FAT3: variants seen among roughly 807,000 people sequenced by gnomAD.
FAT3 encodes FAT atypical cadherin 3.
FAT3 carries 95 observed loss-of-function variants against 310.2 expected under a neutral mutation model. The ratio of observed to expected loss-of-function variants is 0.31; its 90% CI spans 0.26 to 0.36. The LOEUF is 0.36. Among genes scored for constraint, FAT3 ranks in the 10% least tolerant of loss-of-function variants. The probability of loss-of-function intolerance (pLI) is 1.00; values close to 1 mark genes in which losing one functional copy is unlikely to be tolerated. For missense variants in FAT3, 5,408 were observed against 5,715.6 expected (o/e 0.95, Z 1.74); for synonymous variants, 2,314 against 2,192.9 (o/e 1.06, Z -1.54).
chr11:92,321,099 G>A (rs1021622147), intron 1 of FAT3, among the ~76,000 whole-genome samples: 1 of 152,026 alleles, frequency 6.6e-6, no homozygotes, highest in East Asian at 1.9e-4. Context: ...CATGAAATAA[G>A]ATAACTCTTT....
chr11:92,837,593 T>A, intron 16 of FAT3, 70 bp from the exon 17 acceptor site: 1 of 1,565,860 alleles, frequency 6.4e-7, no homozygotes, highest in Non-Finnish European at 8.7e-7. Context: ...GTAGCTCCAG[T>A]TCCTCTGTGT....
intron 2 of FAT3, among the ~76,000 whole-genome samples, chr11:92,419,557 T>G (rs1950495595): frequency 6.6e-6 from 1 of 152,204 alleles, no homozygotes; most frequent in Admixed American, 6.5e-5. Flanking sequence ...GGGGAGTATC[T>G]TTATATTTCT....
At chr11:92,592,850 T>G (rs1416933543) in intron 3 of FAT3, among the ~76,000 whole-genome samples, 1 of 152,196 alleles carries the variant, frequency 6.6e-6, no homozygotes, top group Non-Finnish European at 1.5e-5. Context: ...ATTTACCATT[T>G]TAACCATTTT....
rs1003034331 is a variant in FAT3, at chr11:92,551,929, C to T, written c.3607+26981C>T. On this transcript the variant is annotated intron_variant, in intron 3 of 27. Coordinates refer to ENST00000525166, the MANE Select transcript of FAT3 (RefSeq NM_001367949.2). ...AATGTTTTATACTAGAGCAGGCTTC[C>T]TGCCTTTGGTATGCTCAGATAAATT... 5.3e-5 allele frequency among the ~76,000 whole-genome samples: 8 copies of T among 152,194 alleles called. No individual in the cohort carries two copies. In the East Asian group the frequency reaches 1.5e-3, roughly 29 times the overall value.
At chr11:92,548,524 C>T (rs1029490592) in intron 3 of FAT3, among the ~76,000 whole-genome samples, 1 of 152,214 alleles carries the variant, frequency 6.6e-6, no homozygotes, top group Non-Finnish European at 1.5e-5. Context: ...GCTTAAACCT[C>T]AAAAAGTTCA....
At chr11:92,838,013 T>C (rs770287396) in intron 17 of FAT3, among the ~76,000 whole-genome samples, 4 of 152,206 alleles carry the variant, frequency 2.6e-5, no homozygotes, top group Admixed American at 1.3e-4. Context: ...TTTTTTCAAC[T>C]GTCAGGTGCT....
At chr11:92,810,738 AAAAGACTGG>A (rs1168790125) in intron 13 of FAT3, among the ~76,000 whole-genome samples, 5 of 152,188 alleles carry the variant, frequency 3.3e-5, no homozygotes, top group African/African-American at 1.2e-4. Context: ...GGTGAGTTAG[AAAAGACTGG>A]AGTTAATTGC....
intron 1 of FAT3, among the ~76,000 whole-genome samples, chr11:92,304,018 G>T (rs147609858): frequency 2.6e-5 from 4 of 152,110 alleles, no homozygotes; most frequent in Non-Finnish European, 4.4e-5. Flanking sequence ...GTTTGAAAAA[G>T]GAGTTTTAGA....
chr11:92,474,116 G>C (rs1951983939), intron 2 of FAT3, among the ~76,000 whole-genome samples: 1 of 152,148 alleles, frequency 6.6e-6, no homozygotes, highest in South Asian at 2.1e-4. Context: ...CCCTTGCACT[G>C]CTCCAACAGC....
chr11:92,420,198 T>C lies in FAT3; in HGVS notation c.3292+64794T>C, dbSNP rs187424172. Among the ~76,000 whole-genome samples, 94 of 152,328 alleles carry C rather than the reference T, an allele frequency of 6.2e-4. 1 individual carries two copies. Among genetic ancestry groups the C allele is most frequent in the Non-Finnish European group, 1.0e-3 (68 of 68,034 alleles). ...AAGCCCAAAATATTCACAATTTGAC[T>C]CTTTACAGAAAAACTTTGCTGACTT... On this transcript the variant is annotated intron_variant, in intron 2 of 27. Coordinates refer to ENST00000525166, the MANE Select transcript of FAT3 (RefSeq NM_001367949.2).
chr11:92,839,203 G>A (rs978478300), intron 17 of FAT3, among the ~76,000 whole-genome samples: 1 of 152,222 alleles, frequency 6.6e-6, no homozygotes, highest in African/African-American at 2.4e-5. Flanking sequence ...TGAAAGCACG[G>A]AGAGGCTCAG....
Position 92,894,724 on chromosome 11 carries a change from ATT to A in FAT3, c.*3612_*3613del, listed in dbSNP as rs1949989639. 1 of 152,188 alleles carries A rather than the reference ATT, an allele frequency of 6.6e-6. No individual in the cohort carries two copies. The highest frequency in any genetic ancestry group is 2.1e-4 in the South Asian group (1 of 4,834). 9.4% of individuals were successfully genotyped at this position (152,188 alleles called of 1,614,324 possible). A position where few individuals can be genotyped will look rare whatever the true frequency, so the allele number is the denominator to read the frequency against. ...CTTTCCATGTACCCTTGGCCTGCCT[ATT>A]CATGAAATGCCATATAAAAGACTTA... On this transcript the variant is annotated 3_prime_UTR_variant, in exon 28 of 28. Coordinates refer to ENST00000525166, the MANE Select transcript of FAT3 (RefSeq NM_001367949.2).
At chr11:92,322,730 T>G (rs1053538485) in intron 1 of FAT3, among the ~76,000 whole-genome samples, 1 of 152,216 alleles carries the variant, frequency 6.6e-6, no homozygotes, top group African/African-American at 2.4e-5. Context: ...GAGAAATAAC[T>G]TCTCATCTGT....
chr11:92,637,673 A>C (rs1009785479), intron 3 of FAT3, among the ~76,000 whole-genome samples: 1 of 152,182 alleles, frequency 6.6e-6, no homozygotes, highest in Non-Finnish European at 1.5e-5. Context: ...TAACTTCATG[A>C]CTGTGTGCCT....
chr11:92,323,296 T>C (rs1947675413), intron 1 of FAT3, among the ~76,000 whole-genome samples: 1 of 152,138 alleles, frequency 6.6e-6, no homozygotes, highest in Non-Finnish European at 1.5e-5. Context: ...TCACCCAGTT[T>C]GGAGTGCAAT....
chr11:92,391,836 T>C (rs1025267847), intron 2 of FAT3, among the ~76,000 whole-genome samples: 5 of 152,170 alleles, frequency 3.3e-5, no homozygotes, highest in Admixed American at 3.3e-4. Context: ...TTTATGGAGT[T>C]ATATTTGGCA....
rs550680183 is a variant in FAT3 at position 92,496,110 on chromosome 11, G to A, written c.3293-28524G>A. Among the ~76,000 whole-genome samples the A allele has an allele frequency of 2.0e-5, 3 of 152,060 alleles. No homozygotes were observed. In the East Asian group the frequency reaches 5.9e-4, roughly 30 times the overall value. ...CATTTGGGTGAGGTCTTCAGTTAGG[G>A]TCACTTGGCCAGCACATAACCACCC... On this transcript the variant is annotated intron_variant, in intron 2 of 27. Coordinates refer to ENST00000525166, the MANE Select transcript of FAT3 (RefSeq NM_001367949.2).
At chr11:92,719,070 T>C (rs973149078) in intron 4 of FAT3, among the ~76,000 whole-genome samples, 1 of 152,198 alleles carries the variant, frequency 6.6e-6, no homozygotes, top group Non-Finnish European at 1.5e-5. Context: ...AGTATTAGGT[T>C]CCTGATATTT....
chr11:92,625,736 CA>C (rs1941302878), intron 3 of FAT3, among the ~76,000 whole-genome samples: 1 of 112,114 alleles, frequency 8.9e-6, no homozygotes, highest in African/African-American at 4.4e-5. Flanking sequence ...ATCTGTCCTT[CA>C]ACTTTTTTTT....
Sources: gnomAD v4.1 joint callset for allele counts (sites outside exome capture counted in the v4.1 genomes callset) on GRCh38, gnomAD v4.1.1 for gene constraint, MANE v1.5 for transcripts, NCBI Gene and HGNC (gene_info 2026-07-23, HGNC 2026-07-21) for gene names.